CERS3: variants seen among roughly 807,000 people sequenced by gnomAD.
The protein encoded by CERS3 is ceramide synthase 3.
Under a neutral mutation model 50.3 loss-of-function variants are expected in CERS3, and 33 were observed. The observed-to-expected ratio is 0.66, with a 90% CI of 0.50 to 0.88. The LOEUF is 0.88. Among genes scored for constraint, CERS3 ranks in the 40% least tolerant of loss-of-function variants. CERS3 has a pLI of 0.00. For missense variants in CERS3, 470 were observed against 460.3 expected, an observed-to-expected ratio of 1.02 and a Z score of -0.19; for synonymous variants, 176 against 155.2, an observed-to-expected ratio of 1.13 and a Z score of -0.99.
At chr15:100,439,042 T>C (rs1029169385) in intron 11 of CERS3, among the ~76,000 whole-genome samples, 2 of 152,230 alleles carry the variant, frequency 1.3e-5, no homozygotes, top group African/African-American at 4.8e-5. Flanking sequence ...TATGGGCTAG[T>C]AGCTCATCAC....
At chr15:100,495,112 C>T (rs2654624) in intron 3 of CERS3, among the ~76,000 whole-genome samples, 145,668 of 152,288 alleles carry the variant, frequency 0.96, 70,009 homozygotes, top group East Asian at 1. Context: ...GTGAGTAGTG[C>T]CTTCCAGAGA....
In CERS3 at chr15:100,455,868, GC is replaced by G. The variant is rs765807298; in HGVS notation, c.999+24del. On this transcript the variant is annotated intron_variant, in intron 11 of 11. Coordinates refer to ENST00000679737, the MANE Select transcript of CERS3 (RefSeq NM_001378789.1). ...CATTAACCTGGCAATGACATTAAGA[GC>G]AATAATATTTGGACAGCCCTTACCT... The G allele has an allele frequency of 1.4e-5, 22 of 1,522,352 alleles. No homozygotes were observed. The African/African-American group carries it at 2.5e-4, about 17-fold the overall frequency. 94.3% of individuals were successfully genotyped at this position (1,522,352 alleles called of 1,614,324 possible). A position where few individuals can be genotyped will look rare whatever the true frequency, so the allele number is the denominator to read the frequency against.
chr15:100,403,537 A>C (rs892366063), intron 11 of CERS3, among the ~76,000 whole-genome samples: 2 of 152,196 alleles, frequency 1.3e-5, no homozygotes, highest in African/African-American at 2.4e-5. Context: ...GAAAGCACAA[A>C]TTAACAGTAA....
chr15:100,438,539 G>A (rs1282359662), intron 11 of CERS3, among the ~76,000 whole-genome samples: 4 of 152,138 alleles, frequency 2.6e-5, no homozygotes. Flanking sequence ...TAATTTAAAA[G>A]GTGAAGTGTT....
chr15:100,543,819 C>T (rs1170604793), intron 1 of CERS3, among the ~76,000 whole-genome samples: 2 of 152,134 alleles, frequency 1.3e-5, no homozygotes, highest in African/African-American at 2.4e-5. Context: ...CGTGTGCCAC[C>T]GCACGTGGCT....
chr15:100,470,568 G>T (rs952410326), intron 9 of CERS3, among the ~76,000 whole-genome samples: 3 of 152,144 alleles, frequency 2.0e-5, no homozygotes, highest in African/African-American at 7.2e-5. Flanking sequence ...GGCTAGCTGG[G>T]TGGGAAGCAA....
intron 1 of CERS3, among the ~76,000 whole-genome samples, chr15:100,528,386 C>G (rs888273996): frequency 1.3e-5 from 2 of 152,120 alleles, no homozygotes; most frequent in African/African-American, 2.4e-5. Flanking sequence ...CTGTGCTGAC[C>G]CCTTTCATTC....
intron 9 of CERS3, among the ~76,000 whole-genome samples, chr15:100,471,656 G>A (rs1353951472): frequency 6.6e-6 from 1 of 152,182 alleles, no homozygotes; most frequent in Non-Finnish European, 1.5e-5. Flanking sequence ...CATCCAGACA[G>A]CACCATACAG....
intron 10 of CERS3, among the ~76,000 whole-genome samples, chr15:100,459,000 A>G (rs1048870069): frequency 1.3e-5 from 2 of 152,238 alleles, no homozygotes; most frequent in Non-Finnish European, 2.9e-5. Flanking sequence ...CAGCCATTAC[A>G]GTACAAAAGC....
intron 2 of CERS3, among the ~76,000 whole-genome samples, chr15:100,515,127 T>A (rs1045971205): frequency 5.9e-5 from 9 of 152,366 alleles, no homozygotes; most frequent in African/African-American, 1.7e-4. Flanking sequence ...AGGCTAATTT[T>A]TATAGTAAAT....
At chr15:100,425,422 G>T (rs546193737) in intron 11 of CERS3, among the ~76,000 whole-genome samples, 6 of 152,166 alleles carry the variant, frequency 3.9e-5, no homozygotes, top group African/African-American at 1.4e-4. Flanking sequence ...TATCAGTGTC[G>T]TCTGAATGTG....
At chr15:100,503,454 C>A (rs1439053781) in intron 2 of CERS3, among the ~76,000 whole-genome samples, 1 of 152,214 alleles carries the variant, frequency 6.6e-6, no homozygotes, top group Non-Finnish European at 1.5e-5. Flanking sequence ...CGTTTGCTTG[C>A]ATTCCATGCT....
At chr15:100,459,482 G>A (rs1023677475) in intron 10 of CERS3, among the ~76,000 whole-genome samples, 2 of 152,068 alleles carry the variant, frequency 1.3e-5, no homozygotes, top group Non-Finnish European at 2.9e-5. Flanking sequence ...TTTGTTTTTT[G>A]TAGAGACAGG....
chr15:100,501,648 T>C, intron 3 of CERS3, 29 bp downstream of exon 3: 1 of 1,562,160 alleles, frequency 6.4e-7, no homozygotes, highest in Non-Finnish European at 8.8e-7. Context: ...AGAGGGGGAA[T>C]GGGAAGGAAA....
chr15:100,480,500 C>G (rs903950487), intron 5 of CERS3, among the ~76,000 whole-genome samples: 8 of 152,142 alleles, frequency 5.3e-5, no homozygotes, highest in African/African-American at 1.7e-4. Context: ...CCAGACTTTA[C>G]TCTTTTCTCC....
chr15:100,483,787 A>ATTATTATTTTTTTTTTTTTT (rs760594142), intron 5 of CERS3, among the ~76,000 whole-genome samples: 4 of 100,040 alleles, frequency 4.0e-5, no homozygotes, highest in Admixed American at 1.2e-4. Context: ...TATTATTATT[A>ATTATTATTTTTTTTTTTTTT]TTTTTTTTTT....
chr15:100,489,930 G>A lies in CERS3; in HGVS notation c.288+887C>T, dbSNP rs144978617. Among the ~76,000 whole-genome samples, 54 of 152,302 alleles carry A rather than the reference G, an allele frequency of 3.5e-4. No homozygotes were observed. The East Asian group carries it at 6.2e-3, about 17-fold the overall frequency. On this transcript the variant is annotated intron_variant, in intron 4 of 11. Transcript: ENST00000679737. ...GTGCTTTCATGTGCAGAGAAACCAC[G>A]AGGAACAAATTAGAGCAATTGTCAT...
chr15:100,451,030 C>T (rs1455165190), intron 11 of CERS3, among the ~76,000 whole-genome samples: 1 of 152,180 alleles, frequency 6.6e-6, no homozygotes, highest in Non-Finnish European at 1.5e-5. Flanking sequence ...CACAACTACA[C>T]TGGCCCTACA....
chr15:100,413,304 A>C (rs1320751095), intron 11 of CERS3, among the ~76,000 whole-genome samples: 2 of 152,196 alleles, frequency 1.3e-5, no homozygotes, highest in Non-Finnish European at 2.9e-5. Flanking sequence ...AGCAACATTC[A>C]AGGAATAATC....
Sources: gnomAD v4.1 joint callset for allele counts (sites outside exome capture counted in the v4.1 genomes callset) on GRCh38, gnomAD v4.1.1 for gene constraint, MANE v1.5 for transcripts, NCBI Gene and HGNC (gene_info 2026-07-23, HGNC 2026-07-21) for gene names.